LRRTM4: variants seen among roughly 807,000 people sequenced by gnomAD.
LRRTM4 encodes leucine rich repeat transmembrane neuronal 4.
In LRRTM4, 25 loss-of-function variants were observed where a neutral mutation model predicts 47.6. That is an observed-to-expected ratio of 0.53 (90% CI 0.38 to 0.73). The LOEUF (loss-of-function observed/expected upper bound fraction) is 0.73. Ranked by LOEUF, LRRTM4 falls within the 30% of genes least tolerant of loss-of-function variation. The pLI is 0.00. For synonymous variants in LRRTM4, 311 were observed against 269.5 expected (o/e 1.15, Z -1.51); for missense variants, 638 against 713.4 (o/e 0.89, Z 1.20).
At chr2:76,906,678 A>C (rs1454315690) in intron 3 of LRRTM4, among the ~76,000 whole-genome samples, 2 of 151,910 alleles carry the variant, frequency 1.3e-5, no homozygotes, top group Non-Finnish European at 2.9e-5. Flanking sequence ...GAAAACAAAA[A>C]AAGGCAGGGG....
intron 3 of LRRTM4, among the ~76,000 whole-genome samples, chr2:77,396,037 A>G (rs1673687301): frequency 6.6e-6 from 1 of 151,910 alleles, no homozygotes; most frequent in South Asian, 2.1e-4. Flanking sequence ...TTTGCACAGA[A>G]ACATTTCTTT....
chr2:76,811,729 T>C (rs540550262), intron 3 of LRRTM4, among the ~76,000 whole-genome samples: 3 of 152,292 alleles, frequency 2.0e-5, no homozygotes, highest in African/African-American at 7.2e-5. Flanking sequence ...ATGTTTGCTC[T>C]ATGAAATAAT....
intron 3 of LRRTM4, among the ~76,000 whole-genome samples, chr2:77,492,948 A>G (rs1221172643): frequency 6.6e-6 from 1 of 152,188 alleles, no homozygotes; most frequent in African/African-American, 2.4e-5. Flanking sequence ...CAAGGTAAAA[A>G]TGAATTAACG....
At chr2:76,835,423 T>G (rs1260326593) in intron 3 of LRRTM4, among the ~76,000 whole-genome samples, 1 of 152,102 alleles carries the variant, frequency 6.6e-6, no homozygotes, top group Non-Finnish European at 1.5e-5. Flanking sequence ...TGGTGAATAG[T>G]AAGAGTAATA....
chr2:77,201,967 C>T (rs1217255708), intron 3 of LRRTM4, among the ~76,000 whole-genome samples: 3 of 152,034 alleles, frequency 2.0e-5, no homozygotes, highest in Non-Finnish European at 2.9e-5. Context: ...AAAAGATGAG[C>T]TCATGTACAA....
At chr2:77,246,305 A>G (rs565483975) in intron 3 of LRRTM4, among the ~76,000 whole-genome samples, 32 of 152,288 alleles carry the variant, frequency 2.1e-4, no homozygotes, top group Non-Finnish European at 3.7e-4. Flanking sequence ...CTAGCTTCAC[A>G]GTGTGATCAG....
intron 3 of LRRTM4, among the ~76,000 whole-genome samples, chr2:76,796,325 G>T (rs1484341052): frequency 8.2e-6 from 1 of 121,366 alleles, no homozygotes; most frequent in Non-Finnish European, 1.7e-5. Flanking sequence ...ACAGCTCAAG[G>T]AGGCCTGCCT....
intron 3 of LRRTM4, among the ~76,000 whole-genome samples, chr2:76,974,950 C>A (rs1947116): frequency 0.15 from 22,428 of 151,154 alleles, 1,846 homozygotes; most frequent in Non-Finnish European, 0.18. Flanking sequence ...TATTTATGTT[C>A]TATTTCTTGG....
intron 3 of LRRTM4, among the ~76,000 whole-genome samples, chr2:77,311,603 G>A (rs1677459258): frequency 6.6e-6 from 1 of 152,166 alleles, no homozygotes; most frequent in Non-Finnish European, 1.5e-5. Flanking sequence ...GTTTAGCATA[G>A]TAGGTGGCAT....
chr2:77,391,863 C>G (rs1673516755), intron 3 of LRRTM4, among the ~76,000 whole-genome samples: 1 of 151,980 alleles, frequency 6.6e-6, no homozygotes, highest in Non-Finnish European at 1.5e-5. Context: ...GATTCTAAGA[C>G]TGACAGAACA....
intron 3 of LRRTM4, among the ~76,000 whole-genome samples, chr2:77,007,675 T>C (rs1157565129): frequency 3.9e-5 from 6 of 152,172 alleles, no homozygotes. Context: ...ACCATTCAAG[T>C]CTCTCTAAAG....
chr2:76,914,583 A>C (rs1204659308), intron 3 of LRRTM4, among the ~76,000 whole-genome samples: 1 of 152,208 alleles, frequency 6.6e-6, no homozygotes, highest in Non-Finnish European at 1.5e-5. Flanking sequence ...CAACTTAAAA[A>C]GCTGAGCATT....
chr2:77,237,602 C>T (rs1247354378), intron 3 of LRRTM4, among the ~76,000 whole-genome samples: 20 of 152,092 alleles, frequency 1.3e-4, no homozygotes, highest in Admixed American at 1.3e-3. Context: ...TTATTTCCTT[C>T]TGCTAGCTTT....
chr2:77,397,132 G>T (rs775893104), intron 3 of LRRTM4, among the ~76,000 whole-genome samples: 3 of 151,752 alleles, frequency 2.0e-5, no homozygotes, highest in Non-Finnish European at 4.4e-5. Context: ...CTTTTTACAT[G>T]CATTGCCTAG....
chr2:77,270,791 T>A (rs1483712769), intron 3 of LRRTM4, among the ~76,000 whole-genome samples: 4 of 152,198 alleles, frequency 2.6e-5, no homozygotes, highest in Non-Finnish European at 4.4e-5. Context: ...AGAATGTGTC[T>A]TCCTGTTTGG....
At chr2:77,421,782 T>A (rs1162736804) in intron 3 of LRRTM4, among the ~76,000 whole-genome samples, 2 of 151,732 alleles carry the variant, frequency 1.3e-5, no homozygotes, top group Non-Finnish European at 2.9e-5. Context: ...TAACAAAGAA[T>A]TATCTAGTCC....
chr2:77,043,123 T>C (rs1679092948), intron 3 of LRRTM4, among the ~76,000 whole-genome samples: 2 of 151,772 alleles, frequency 1.3e-5, no homozygotes, highest in Non-Finnish European at 2.9e-5. Flanking sequence ...GATTTTCTCT[T>C]TCTTTCCTGT....
At chr2:77,492,236 G>A (rs1301255579) in intron 3 of LRRTM4, among the ~76,000 whole-genome samples, 1 of 152,100 alleles carries the variant, frequency 6.6e-6, no homozygotes, top group African/African-American at 2.4e-5. Flanking sequence ...AGCATTTTAT[G>A]TACAAAATAT....
chr2:77,265,808 A>G (rs983531434), intron 3 of LRRTM4, among the ~76,000 whole-genome samples: 2 of 152,222 alleles, frequency 1.3e-5, no homozygotes, highest in African/African-American at 4.8e-5. Flanking sequence ...TGTAAAACAT[A>G]ATGAATAATA....
Sources: allele counts gnomAD v4.1 joint callset (sites outside exome capture counted in the v4.1 genomes callset), GRCh38; gene constraint gnomAD v4.1.1; transcripts MANE v1.5; gene names NCBI Gene and HGNC (gene_info 2026-07-23, HGNC 2026-07-21).